Variants in CISD3 observed in about 807,000 individuals in gnomAD.
CISD3 encodes CDGSH iron sulfur domain 3, also known as CDGSH iron-sulfur domain-containing protein 3, mitochondrial.
CISD3 carries 11 observed loss-of-function variants against 14.1 expected under a neutral mutation model. That is an observed-to-expected ratio of 0.78 (90% CI 0.49 to 1.29). CISD3 has a LOEUF of 1.29. CISD3 is among the 50% of genes most tolerant of loss of function. The pLI is 0.00. For missense variants in CISD3, 156 were observed against 171.6 expected (o/e 0.91, Z 0.51); for synonymous variants, 53 against 69.2 (o/e 0.77, Z 1.16).
At position 38,735,471 on chromosome 17, in the gene CISD3, C is replaced by G; in HGVS notation, c.*2016C>G. ...GCTGGCAGGGTGGCAGGGCTGGGAG[C>G]CTTGTCGCTGACTGACTCACACTCG... On this transcript the variant is annotated 3_prime_UTR_variant, in exon 4 of 4. Coordinates refer to ENST00000613478, the MANE Select transcript of CISD3 (RefSeq NM_001136498.2). The G allele has an allele frequency of 6.3e-7, 1 of 1,591,120 alleles. No individual in the cohort carries two copies. The highest frequency in any genetic ancestry group is 8.6e-7 in the Non-Finnish European group (1 of 1,168,998).
At chr17:38,732,936 G>GACACAC (rs1416731966) in intron 3 of CISD3, among the ~76,000 whole-genome samples, 2 of 89,662 alleles carry the variant, frequency 2.2e-5, no homozygotes, top group Non-Finnish European at 4.4e-5. Flanking sequence ...TGGAGACTCA[G>GACACAC]AGACACACAC....
At position 38,733,380 on chromosome 17, in the gene CISD3, TCAGAGGCCCCCGTACTGCGATGGCACCCA is replaced by T. The variant is rs1438636739; in HGVS notation, c.313_341del (p.Arg105GlufsTer2). On this transcript the variant is annotated frameshift_variant, in exon 4 of 4. Coordinates refer to ENST00000613478, the MANE Select transcript of CISD3 (RefSeq NM_001136498.2). LOFTEE classifies it high-confidence loss of function. Reference sequence around the variant, plus strand: ...TGGCACTCTGTACCTGCAAGGCCACTCAGAGGCCCCCGTACTGCGATGGCACCCACAGGAGTGAGCGCGTGCAGAAGGCA... The same window carrying T: ...TGGCACTCTGTACCTGCAAGGCCACTCAGGAGTGAGCGCGTGCAGAAGGCA... The T allele has an allele frequency of 1.3e-6, 2 of 1,551,686 alleles. No homozygotes were observed. The highest frequency in any genetic ancestry group is 1.7e-6 in the Non-Finnish European group (2 of 1,146,974).
At chr17:38,731,233 CCAGTGGG>C in intron 2 of CISD3, 80 bp from the exon 3 acceptor site, 1 of 1,504,438 alleles carries the variant, frequency 6.6e-7, no homozygotes, top group Non-Finnish European at 8.9e-7. Context: ...CACACACAGG[CCAGTGGG>C]AAACTAGGAA....
chr17:38,735,373 G>C lies in CISD3; in HGVS notation c.*1918G>C. The C allele has an allele frequency of 6.4e-7, 1 of 1,564,154 alleles. No homozygotes were observed. The highest frequency in any genetic ancestry group is 8.7e-7 in the Non-Finnish European group (1 of 1,153,096). On this transcript the variant is annotated 3_prime_UTR_variant, in exon 4 of 4. Coordinates refer to ENST00000613478, the MANE Select transcript of CISD3 (RefSeq NM_001136498.2). Reference sequence around the variant, plus strand: ...AAGGGGGAGTGGGGGAGGTAGGGTGGGTGGCTGGAGGCCCATGGGAACTGG... The same window carrying C: ...AAGGGGGAGTGGGGGAGGTAGGGTGCGTGGCTGGAGGCCCATGGGAACTGG...
rs1269600843 is a variant in CISD3 at position 38,730,781 on chromosome 17, A to C, written c.70A>C (p.Ile24Leu). 6.4e-7 allele frequency: 1 copy of C among 1,551,662 alleles called. No individual in the cohort carries two copies. Residue 24 changes from isoleucine (I) to leucine (L), a missense_variant, in exon 2 of 4, where the codon ATC becomes CTC. By Grantham distance (5) the Ile-to-Leu change is conservative. Transcript: ENST00000613478. ...GARDLNPRRD[I>L]SSWLAQWFPR... The stretch of plus-strand genomic sequence containing the variant: ...GCAGGACCTGAACCCGCGGCGGGAC[A>C]TCTCCTCCTGGCTGGTGAGTCCCCC...
At chr17:38,731,136 C>G in intron 2 of CISD3, 184 bp from the exon 3 acceptor site, 1 of 770,146 alleles carries the variant, frequency 1.3e-6, no homozygotes, top group Admixed American at 3.0e-5. Context: ...TGAAATCTCC[C>G]TGTCCAAAGC....
rs1906484123 is a variant in CISD3 at position 38,734,049 on chromosome 17, A to C, written c.*594A>C. The C allele has an allele frequency of 6.6e-6, 1 of 152,288 alleles. No homozygotes were observed. The highest frequency in any genetic ancestry group is 1.5e-5 in the Non-Finnish European group (1 of 68,156). 9.4% of individuals were successfully genotyped at this position (152,288 alleles called of 1,614,324 possible). A position where few individuals can be genotyped will look rare whatever the true frequency, so the allele number is the denominator to read the frequency against. Reference sequence around the variant, plus strand: ...ACCCCACACACCTACGCTATGATGGAATCTCGAGTCTCGACTCCCGACTCC... The same window carrying C: ...ACCCCACACACCTACGCTATGATGGCATCTCGAGTCTCGACTCCCGACTCC... On this transcript the variant is annotated 3_prime_UTR_variant, in exon 4 of 4. Coordinates refer to ENST00000613478, the MANE Select transcript of CISD3 (RefSeq NM_001136498.2).
rs563305407 is a variant in CISD3 at position 38,731,353 on chromosome 17, G to A, written c.118G>A (p.Val40Met). The stretch of plus-strand genomic sequence containing the variant: ...GTTCCCTAGAACCCCAGCCAGGTCC[G>A]TGGTGGCCCTGAAGACCCCCATCAA... ...QWFPRTPARS[V>M]VALKTPIKVE... is the part of the protein sequence containing the mutation. The change falls in exon 3 of 4, where the codon GTG (valine) becomes ATG (methionine). Residue 40 changes from valine to methionine, a missense_variant. By Grantham distance (21) the Val-to-Met change is conservative. Transcript: ENST00000613478. 78 of 1,551,574 alleles carry A rather than the reference G, an allele frequency of 5.0e-5. No homozygotes were observed. The highest frequency in any genetic ancestry group is 2.0e-4 in the Admixed American group (10 of 51,012).
Position 38,735,146 on chromosome 17 carries a change from A to T in CISD3, c.*1691A>T. On this transcript the variant is annotated 3_prime_UTR_variant, in exon 4 of 4. Coordinates refer to ENST00000613478, the MANE Select transcript of CISD3 (RefSeq NM_001136498.2). ...GGTGGGAAGAGCTGGGGAAAGTAGA[A>T]GAGGTGGAAAAAAGGGCCCAGAAAA... The T allele has an allele frequency of 8.8e-7, 1 of 1,141,336 alleles. No individual in the cohort carries two copies. Among genetic ancestry groups the T allele is most frequent in the East Asian group, 3.0e-5 (1 of 33,284 alleles). 70.7% of individuals were successfully genotyped at this position (1,141,336 alleles called of 1,614,324 possible). A position where few individuals can be genotyped will look rare whatever the true frequency, so the allele number is the denominator to read the frequency against.
rs186544010 is a variant in CISD3 at position 38,730,802 on chromosome 17, C to A, written c.84+7C>A. The A allele has an allele frequency of 2.6e-6, 4 of 1,550,822 alleles. No individual in the cohort carries two copies. The highest frequency in any genetic ancestry group is 2.4e-5 in the East Asian group (1 of 40,916). ...GGACATCTCCTCCTGGCTGGTGAGT[C>A]CCCCCATCCTCCCCTCCTCCTCGCA... On this transcript the variant is annotated splice_region_variant and intron_variant, in intron 2 of 3. Transcript: ENST00000613478.
intron 1 of CISD3, 162 bp from the exon 2 acceptor site, chr17:38,730,598 C>T: frequency 1.2e-6 from 1 of 863,830 alleles, no homozygotes; most frequent in Non-Finnish European, 1.8e-6. Flanking sequence ...AGCACCTTCT[C>T]TTGCGACCTT....
chr17:38,731,696 C>G, intron 3 of CISD3: 3 of 499,326 alleles, frequency 6.0e-6, no homozygotes, highest in Non-Finnish European at 3.6e-6. Flanking sequence ...TCTTCTGGAG[C>G]TGTTTGTTTC....
chr17:38,732,938 G>GACACACACACACACACACACAC (rs148830489), intron 3 of CISD3, among the ~76,000 whole-genome samples: 18 of 116,570 alleles, frequency 1.5e-4, no homozygotes, highest in African/African-American at 4.6e-4. Context: ...GAGACTCAGA[G>GACACACACACACACACACACAC]ACACACACAC....
intron 3 of CISD3, 69 bp downstream of exon 3, chr17:38,731,508 C>T (rs2143732796): frequency 1.3e-6 from 2 of 1,540,414 alleles, no homozygotes; most frequent in African/African-American, 2.7e-5. Flanking sequence ...CAGTGAGTTC[C>T]CACCCAGGAT....
chr17:38,732,783 T>C (rs192560527), intron 3 of CISD3, among the ~76,000 whole-genome samples: 19 of 152,166 alleles, frequency 1.2e-4, no homozygotes, highest in Non-Finnish European at 1.5e-5. Context: ...CTATGGGGCA[T>C]CCCCTCCTCC....
At position 38,733,472 on chromosome 17, in the gene CISD3, C is replaced by T; in HGVS notation, c.*17C>T. On this transcript the variant is annotated 3_prime_UTR_variant, in exon 4 of 4. Coordinates refer to ENST00000613478, the MANE Select transcript of CISD3 (RefSeq NM_001136498.2). ...CCACTCTGAGGGGGCTGCTGCTGTCCAGCCACAGGTGGCCTTGGCTCCAGG... is the reference window on the plus strand; with the variant it reads ...CCACTCTGAGGGGGCTGCTGCTGTCTAGCCACAGGTGGCCTTGGCTCCAGG... 2.0e-6 allele frequency: 3 copies of T among 1,504,664 alleles called. No individual in the cohort carries two copies. The highest frequency in any genetic ancestry group is 2.7e-6 in the Non-Finnish European group (3 of 1,121,946). 93.2% of individuals were successfully genotyped at this position (1,504,664 alleles called of 1,614,324 possible).
intron 3 of CISD3, among the ~76,000 whole-genome samples, chr17:38,732,088 T>A (rs1906359216): frequency 6.6e-6 from 1 of 152,192 alleles, no homozygotes; most frequent in Non-Finnish European, 1.5e-5. Context: ...CTGCCCCACT[T>A]GCTTCCCCTT....
In CISD3 at chr17:38,735,520, C is replaced by T. The variant is rs141751014; in HGVS notation, c.*2065C>T. 3.8e-6 allele frequency: 6 copies of T among 1,590,380 alleles called. No homozygotes were observed. In the African/African-American group the frequency reaches 6.7e-5, roughly 18 times the overall value. ...CGGACGCCCCGCTGGTGTTGGTGCCCTCGGAGGGGGTGGGCACCGTGGCTA... is the reference window on the plus strand; with the variant it reads ...CGGACGCCCCGCTGGTGTTGGTGCCTTCGGAGGGGGTGGGCACCGTGGCTA... On this transcript the variant is annotated 3_prime_UTR_variant, in exon 4 of 4. Transcript: ENST00000613478.
intron 1 of CISD3, 78 bp from the exon 2 acceptor site, chr17:38,730,682 C>A: frequency 6.9e-7 from 1 of 1,446,350 alleles, no homozygotes; most frequent in Non-Finnish European, 9.5e-7. Flanking sequence ...CTCCCGTGTC[C>A]TTCCCTTTCC....
Sources: allele counts gnomAD v4.1 joint callset (sites outside exome capture counted in the v4.1 genomes callset), GRCh38; gene constraint gnomAD v4.1.1; transcripts MANE v1.5; gene names NCBI Gene and HGNC (gene_info 2026-07-23, HGNC 2026-07-21).